OSBPL5: variants seen among roughly 807,000 people sequenced by gnomAD.
OSBPL5 encodes oxysterol binding protein like 5.
In OSBPL5, 71 loss-of-function variants were observed where a neutral mutation model predicts 111.2. The ratio of observed to expected loss-of-function variants is 0.64; its 90% CI spans 0.53 to 0.78. OSBPL5 has a LOEUF of 0.78. OSBPL5 is among the 30% of genes least tolerant of loss of function. The pLI is 0.00. For synonymous variants in OSBPL5, 549 were observed against 513.9 expected, an observed-to-expected ratio of 1.07 and a Z score of -0.93; for missense variants, 1,210 against 1,189.3, an observed-to-expected ratio of 1.02 and a Z score of -0.26.
chr11:3,119,905 A>C, intron 6 of OSBPL5: 1 of 490,024 alleles, frequency 2.0e-6, no homozygotes, highest in Non-Finnish European at 3.6e-6. Context: ...GAATCAGCAA[A>C]GGCACATCCA....
intron 14 of OSBPL5, among the ~76,000 whole-genome samples, chr11:3,097,854 G>T (rs763763544): frequency 3.5e-4 from 53 of 152,318 alleles, no homozygotes; most frequent in Non-Finnish European, 6.5e-4. Flanking sequence ...ATCACCCGAG[G>T]TCAGGAGTTT....
At chr11:3,139,034 G>A (rs996265546) in intron 1 of OSBPL5, among the ~76,000 whole-genome samples, 6 of 152,238 alleles carry the variant, frequency 3.9e-5, no homozygotes, top group Admixed American at 1.3e-4. Flanking sequence ...GGCAGGGACC[G>A]GGTGATGGGT....
At chr11:3,155,402 C>T (rs1190420883) in intron 1 of OSBPL5, among the ~76,000 whole-genome samples, 3 of 152,190 alleles carry the variant, frequency 2.0e-5, no homozygotes, top group Admixed American at 2.0e-4. Context: ...TCCCAAGCAC[C>T]GAGGGGGGAT....
In OSBPL5 at chr11:3,092,455, C is replaced by CA. The variant is rs1407861049; in HGVS notation, c.2235_2236insT (p.Gly746TrpfsTer38). ...ACCTCGTGCCTGGGCCCTGGGCTGC[C>CA]CAGGAAGGTGGTCTGGCGGGCCACG... On this transcript the variant is annotated frameshift_variant, in exon 19 of 22. Coordinates refer to ENST00000263650, the MANE Select transcript of OSBPL5 (RefSeq NM_020896.4). LOFTEE classifies it high-confidence loss of function. This position sits in a 1 kb window ranked among gnomAD's most constrained non-coding sequence, Gnocchi z 5.4. 6.3e-7 allele frequency: 1 copy of CA among 1,580,534 alleles called. No individual in the cohort carries two copies. The highest frequency in any genetic ancestry group is 1.3e-5 in the African/African-American group (1 of 74,150).
chr11:3,124,484 T>C (rs567515463), intron 3 of OSBPL5, among the ~76,000 whole-genome samples: 1 of 152,254 alleles, frequency 6.6e-6, no homozygotes, highest in African/African-American at 2.4e-5. Context: ...GCCAGGATCT[T>C]GTTCATGATG....
chr11:3,137,526 G>A (rs765930434), intron 1 of OSBPL5, among the ~76,000 whole-genome samples: 3 of 152,200 alleles, frequency 2.0e-5, no homozygotes, highest in East Asian at 1.9e-4. Context: ...GCAGTGGGCC[G>A]GGTGTACTGC....
chr11:3,107,115 T>G lies in OSBPL5; in HGVS notation c.1059+148A>C, dbSNP rs1857723946. ...GGAGCCTGTTTACCTAAAAGACAGC[T>G]CCTGGACTCACTGCCAAGTGATGGG... is the stretch of plus-strand genomic sequence containing the variant. On this transcript the variant is annotated intron_variant, in intron 9 of 21. Transcript: ENST00000263650. This position sits in a 1 kb window ranked among gnomAD's most constrained non-coding sequence, Gnocchi z 6.1. 1 of 787,926 alleles carries G rather than the reference T, an allele frequency of 1.3e-6. No individual in the cohort carries two copies. Among genetic ancestry groups the G allele is most frequent in the African/African-American group, 1.8e-5 (1 of 57,092 alleles). The allele number at this position is 787,926 out of a possible 1,614,324, so 48.8% of individuals were successfully genotyped here. A position where few individuals can be genotyped will look rare whatever the true frequency, so the allele number is the denominator to read the frequency against.
chr11:3,164,915 C>T (rs1233142083), intron 1 of OSBPL5, among the ~76,000 whole-genome samples: 1 of 151,950 alleles, frequency 6.6e-6, no homozygotes, highest in African/African-American at 2.4e-5. Context: ...GCTGGGCGCG[C>T]CGCTTCCCAC....
chr11:3,111,132 C>A (rs1857909531), intron 7 of OSBPL5, among the ~76,000 whole-genome samples: 1 of 152,086 alleles, frequency 6.6e-6, no homozygotes. Flanking sequence ...GGCCTGGAAG[C>A]ACCTCCCCCC....
chr11:3,126,556 C>A lies in OSBPL5; in HGVS notation c.137-1G>T, dbSNP rs1352471784. 6.2e-7 allele frequency: 1 copy of A among 1,607,716 alleles called. No homozygotes were observed. The highest frequency in any genetic ancestry group is 1.7e-5 in the Admixed American group (1 of 59,642). On this transcript the variant is annotated splice_acceptor_variant, in intron 2 of 21. Coordinates refer to ENST00000263650, the MANE Select transcript of OSBPL5 (RefSeq NM_020896.4). LOFTEE classifies it high-confidence loss of function. The surrounding 1 kb of genome is among the most constrained non-coding windows in gnomAD (Gnocchi z 6.5). ...GGGCCGTTGGGCTCCATGTCCTTCCCTGCAAGAGAGCAGTGGGAGTGAGGA... is the reference window on the plus strand; with the variant it reads ...GGGCCGTTGGGCTCCATGTCCTTCCATGCAAGAGAGCAGTGGGAGTGAGGA...
At chr11:3,150,581 G>A (rs1315892143) in intron 1 of OSBPL5, among the ~76,000 whole-genome samples, 1 of 152,204 alleles carries the variant, frequency 6.6e-6, no homozygotes, top group East Asian at 1.9e-4. Flanking sequence ...CAGACACAGA[G>A]GCCAGCGGCC....
intron 12 of OSBPL5, 116 bp downstream of exon 12, chr11:3,102,067 T>C (rs1857479109): frequency 2.8e-6 from 3 of 1,076,104 alleles, no homozygotes; most frequent in Non-Finnish European, 4.0e-6. Flanking sequence ...TGGGGTCCCC[T>C]GGAAGCCGGC....
At position 3,126,484 on chromosome 11, in the gene OSBPL5, T is replaced by C. The variant is rs1014757299; in HGVS notation, c.208A>G (p.Lys70Glu). 1 of 1,608,922 alleles carries C rather than the reference T, an allele frequency of 6.2e-7. No homozygotes were observed. Among genetic ancestry groups the C allele is most frequent in the Non-Finnish European group, 8.5e-7 (1 of 1,178,404 alleles). The change falls in exon 3 of 22, where the codon AAG becomes GAG. Residue 70 changes from lysine to glutamate, a missense_variant. Lys to Glu is a moderately conservative substitution (Grantham distance 56, BLOSUM62 1). Coordinates refer to ENST00000263650, the MANE Select transcript of OSBPL5 (RefSeq NM_020896.4). This position sits in a 1 kb window ranked among gnomAD's most constrained non-coding sequence, Gnocchi z 6.5. ...ACCCAGGCTCTTACCGGTGGCACCT[T>C]CGTGGCAGAGCTTGGGGTCGGGGGC... is the stretch of plus-strand genomic sequence containing the variant. ...EGPPTPSSAT[K>E]VPPAEYRLCN...
At position 3,129,166 on chromosome 11, in the gene OSBPL5, G is replaced by A. The variant is rs377237273; in HGVS notation, c.-18C>T. ...TCCTTCATGCTGTGGGCGCTCGGGG[G>A]CTTCTGGAAGGAAGGAAGGAGGGGC... is the stretch of plus-strand genomic sequence containing the variant. On this transcript the variant is annotated 5_prime_UTR_variant, in exon 2 of 22. Coordinates refer to ENST00000263650, the MANE Select transcript of OSBPL5 (RefSeq NM_020896.4). 202 of 1,389,026 alleles carry A rather than the reference G, an allele frequency of 1.5e-4. No individual in the cohort carries two copies. The highest frequency in any genetic ancestry group is 1.8e-4 in the Non-Finnish European group (196 of 1,063,558). The allele number at this position is 1,389,026 out of a possible 1,614,324, so 86.0% of individuals were successfully genotyped here. A position where few individuals can be genotyped will look rare whatever the true frequency, so the allele number is the denominator to read the frequency against.
rs996184346 is a variant in OSBPL5 at position 3,113,164 on chromosome 11, T to G, written c.692-5219A>C. ...AGTCAAATGCTTTTTCAAGTTTATG[T>G]AACTTAAATAAAATCTTTAATAAAT... On this transcript the variant is annotated intron_variant, in intron 7 of 21. Coordinates refer to ENST00000263650, the MANE Select transcript of OSBPL5 (RefSeq NM_020896.4). This position sits in a 1 kb window ranked among gnomAD's most constrained non-coding sequence, Gnocchi z 4.8. 4.6e-5 allele frequency among the ~76,000 whole-genome samples: 7 copies of G among 152,248 alleles called. No individual in the cohort carries two copies. Among genetic ancestry groups the G allele is most frequent in the Admixed American group, 1.3e-4 (2 of 15,288 alleles).
chr11:3,093,843 G>C lies in OSBPL5; in HGVS notation c.1720-8C>G, dbSNP rs1857153452. The C allele has an allele frequency of 6.2e-7, 1 of 1,608,266 alleles. No homozygotes were observed. The highest frequency in any genetic ancestry group is 8.5e-7 in the Non-Finnish European group (1 of 1,179,066). On this transcript the variant is annotated splice_region_variant and splice_polypyrimidine_tract_variant and intron_variant, in intron 15 of 21. Coordinates refer to ENST00000263650, the MANE Select transcript of OSBPL5 (RefSeq NM_020896.4). ...GCTACCCCCGAAGAAGGGCTGCGGGGCCACACCCAGAACAGAGCCCAGTGA... is the reference window on the plus strand; with the variant it reads ...GCTACCCCCGAAGAAGGGCTGCGGGCCCACACCCAGAACAGAGCCCAGTGA...
Position 3,106,619 on chromosome 11 carries a change from G to GC in OSBPL5, c.1059+643dup, listed in dbSNP as rs1857703740. ...GGGACACTGCTGCCCACCGCCTGCT[G>GC]CCTCCCTTGAGCTCGTGCGCTGGTG... is the stretch of plus-strand genomic sequence containing the variant. On this transcript the variant is annotated intron_variant, in intron 9 of 21. Transcript: ENST00000263650. The surrounding 1 kb of genome is among the most constrained non-coding windows in gnomAD (Gnocchi z 8.4). Among the ~76,000 whole-genome samples the GC allele has an allele frequency of 6.6e-6, 1 of 152,220 alleles. No homozygotes were observed. The highest frequency in any genetic ancestry group is 1.5e-5 in the Non-Finnish European group (1 of 68,040).
chr11:3,153,178 A>G (rs1331708944), intron 1 of OSBPL5, among the ~76,000 whole-genome samples: 4 of 152,118 alleles, frequency 2.6e-5, no homozygotes, highest in Non-Finnish European at 5.9e-5. Context: ...CACCTCTCCG[A>G]GCCCCAGTGT....
rs1198605261 is a variant in OSBPL5 at position 3,092,683 on chromosome 11, C to G, written c.2133-125G>C. ...TCCAGGAGAATGACCACTGCCCACACCCCATGGGCAGGGCCTGCAGTAAGG... is the reference window on the plus strand; with the variant it reads ...TCCAGGAGAATGACCACTGCCCACAGCCCATGGGCAGGGCCTGCAGTAAGG... On this transcript the variant is annotated intron_variant, in intron 18 of 21. Transcript: ENST00000263650. This position sits in a 1 kb window ranked among gnomAD's most constrained non-coding sequence, Gnocchi z 5.4. 1.5e-6 allele frequency: 2 copies of G among 1,358,758 alleles called. No individual in the cohort carries two copies. Among genetic ancestry groups the G allele is most frequent in the African/African-American group, 1.5e-5 (1 of 68,160 alleles). 84.2% of individuals were successfully genotyped at this position (1,358,758 alleles called of 1,614,324 possible).
Sources: gnomAD v4.1 joint callset for allele counts (sites outside exome capture counted in the v4.1 genomes callset) on GRCh38, gnomAD v4.1.1 for gene constraint, Gnocchi (gnomAD v3.1) non-coding constraint, MANE v1.5 for transcripts, NCBI Gene and HGNC (gene_info 2026-07-23, HGNC 2026-07-21) for gene names.